ARL10: variants seen among roughly 807,000 people sequenced by gnomAD.
The protein encoded by ARL10 is ARF like GTPase 10.
A neutral mutation model predicts 26.1 loss-of-function variants in ARL10; 23 were observed. The observed-to-expected ratio is 0.88, with a 90% CI of 0.63 to 1.25. The LOEUF is 1.25. Ranked by LOEUF, ARL10 falls within the 50% of genes most tolerant of loss-of-function variation. ARL10 has a pLI of 0.00. For missense variants in ARL10, 300 were observed against 323.6 expected, an observed-to-expected ratio of 0.93 and a Z score of 0.56; for synonymous variants, 138 against 149.1, an observed-to-expected ratio of 0.93 and a Z score of 0.54.
downstream of ARL10, chr5:176,389,673 T>G: frequency 1.7e-6 from 1 of 595,596 alleles, no homozygotes; most frequent in Non-Finnish European, 2.9e-6. Context: ...TCCTAGATGC[T>G]GTTGTTTGAA....
chr5:176,412,531 A>G, the ARL10 span, among the ~76,000 whole-genome samples: 1 of 152,188 alleles, frequency 6.6e-6, no homozygotes, highest in Non-Finnish European at 1.5e-5. Context: ...TGTGCCTCCT[A>G]GCAAAAAGCC....
the ARL10 span, chr5:176,410,115 AC>A: frequency 1.4e-6 from 1 of 709,434 alleles, no homozygotes; most frequent in African/African-American, 1.8e-5. Flanking sequence ...AATTCCAAAA[AC>A]CTTTCTCTAT....
downstream of ARL10, chr5:176,388,958 CCGGTGGTACCCATAGGTAAGTGGGT>C (rs1446298837): frequency 1.7e-5 from 27 of 1,613,990 alleles, no homozygotes; most frequent in Admixed American, 5.0e-5. Flanking sequence ...CCGCGAGAAC[CCGGTGGTACCCATAGGTAAGTGGGT>C]GCGGTAGGAA....
chr5:176,372,132 C>A lies in ARL10; in HGVS notation c.*237C>A. The A allele has an allele frequency of 2.2e-6, 3 of 1,351,312 alleles. No individual in the cohort carries two copies. The highest frequency in any genetic ancestry group is 2.9e-6 in the Non-Finnish European group (3 of 1,038,244). 83.7% of individuals were successfully genotyped at this position (1,351,312 alleles called of 1,614,324 possible). ...AGACAGAGGGTGGGGAGGATAGTGT[C>A]TGGCTCATTCCAGGCTGGAATGTGG... is the stretch of plus-strand genomic sequence containing the variant. On this transcript the variant is annotated 3_prime_UTR_variant, in exon 4 of 4. Transcript: ENST00000310389.
chr5:176,383,870 C>T (rs1265149364), downstream of ARL10: 5 of 1,117,498 alleles, frequency 4.5e-6, no homozygotes, highest in Non-Finnish European at 6.2e-6. Flanking sequence ...GCCTCTCAGC[C>T]CCGGTAGAGG....
chr5:176,391,575 G>A (rs920731715), downstream of ARL10, among the ~76,000 whole-genome samples: 32 of 152,194 alleles, frequency 2.1e-4, no homozygotes, highest in African/African-American at 7.0e-4. Flanking sequence ...TTGCACCACT[G>A]CACTCCAGCC....
chr5:176,371,247 C>T (rs537413863), intron 3 of ARL10, among the ~76,000 whole-genome samples: 4 of 151,644 alleles, frequency 2.6e-5, no homozygotes, highest in East Asian at 3.9e-4. Flanking sequence ...TGGTGGCTCA[C>T]ACCTGTAGTC....
At chr5:176,367,831 TTTTA>T (rs1768373337) in intron 2 of ARL10, 7 of 501,178 alleles carry the variant, frequency 1.4e-5, no homozygotes, top group Non-Finnish European at 2.8e-5. Context: ...CTTTTTTCTG[TTTTA>T]TTTCTTTCCT....
In ARL10 at chr5:176,396,882, G is replaced by A. The variant is rs146384042; in HGVS notation, c.134-4859G>A. On this transcript the variant is annotated intron_variant, in intron 1 of 1. Coordinates refer to the ARL10 transcript ENST00000514533. ...CTGCCTTCTCTCCCACCGCTCCCTGGCCCCCTGTTGCCTAATACATCACAT... is the reference window on the plus strand; with the variant it reads ...CTGCCTTCTCTCCCACCGCTCCCTGACCCCCTGTTGCCTAATACATCACAT... 1.9e-4 allele frequency among the ~76,000 whole-genome samples: 29 copies of A among 152,062 alleles called. 1 individual carries two copies. The highest frequency in any genetic ancestry group is 7.0e-4 in the African/African-American group (29 of 41,474).
intron 3 of ARL10, 35 bp downstream of exon 3, chr5:176,369,017 A>G: frequency 6.2e-7 from 1 of 1,610,400 alleles, no homozygotes; most frequent in Non-Finnish European, 8.5e-7. Flanking sequence ...GGTCCAGGTG[A>G]CATCCACTCA....
intron 1 of ARL10, among the ~76,000 whole-genome samples, chr5:176,400,090 C>T (rs181520519): frequency 6.6e-6 from 1 of 150,848 alleles, no homozygotes; most frequent in African/African-American, 2.4e-5. Context: ...ACTCGGGAGG[C>T]TGAGGCACAA....
In ARL10 at chr5:176,368,066, C is replaced by T. The variant is rs755614717; in HGVS notation, c.386-741C>T. 2.0e-6 allele frequency: 1 copy of T among 507,674 alleles called. No individual in the cohort carries two copies. Among genetic ancestry groups the T allele is most frequent in the Non-Finnish European group, 4.0e-6 (1 of 252,314 alleles). 31.4% of individuals were successfully genotyped at this position (507,674 alleles called of 1,614,324 possible). ...TTCAGAGGTAAGTGCCTCTGACTCTCACAGCTTAGAATCCTCAAGTGTCAG... is the reference window on the plus strand; with the variant it reads ...TTCAGAGGTAAGTGCCTCTGACTCTTACAGCTTAGAATCCTCAAGTGTCAG... On this transcript the variant is annotated intron_variant, in intron 2 of 3. Transcript: ENST00000310389. This position sits in a 1 kb window ranked among gnomAD's most constrained non-coding sequence, Gnocchi z 4.1.
chr5:176,366,263 C>T lies in ARL10; in HGVS notation c.184-117C>T. 4.0e-6 allele frequency: 5 copies of T among 1,263,046 alleles called. No homozygotes were observed. In the Admixed American group the frequency reaches 1.1e-4, roughly 29 times the overall value. The allele number at this position is 1,263,046 out of a possible 1,614,324, so 78.2% of individuals were successfully genotyped here. Reference sequence around the variant, plus strand: ...TTCGTCCCACTCATCCAGACCATGCCTGCCTGTCCCAGGACGGGTGGAAGG... The same window carrying T: ...TTCGTCCCACTCATCCAGACCATGCTTGCCTGTCCCAGGACGGGTGGAAGG... On this transcript the variant is annotated intron_variant, in intron 1 of 3. Transcript: ENST00000310389.
rs1459233251 is a variant in ARL10, at chr5:176,376,507, TCTTGCTAG to T, written c.*4613_*4620del. ...CACAAACCCAACAGGAACTCCAGTT[TCTTGCTAG>T]AGCATTAGCCTTTGCTAAAGCCGGC... On this transcript the variant is annotated 3_prime_UTR_variant, in exon 4 of 4. Coordinates refer to ENST00000310389, the MANE Select transcript of ARL10 (RefSeq NM_173664.6). 6.6e-6 allele frequency: 1 copy of T among 152,238 alleles called. No individual in the cohort carries two copies. Among genetic ancestry groups the T allele is most frequent in the Non-Finnish European group, 1.5e-5 (1 of 68,050 alleles). 9.4% of individuals were successfully genotyped at this position (152,238 alleles called of 1,614,324 possible). A position where few individuals can be genotyped will look rare whatever the true frequency, so the allele number is the denominator to read the frequency against.
intron 1 of ARL10, among the ~76,000 whole-genome samples, chr5:176,400,105 C>T (rs1756741250): frequency 6.7e-6 from 1 of 150,034 alleles, no homozygotes; most frequent in Non-Finnish European, 1.5e-5. Context: ...GCACAAGAAT[C>T]ACTTGAATCC....
chr5:176,366,363 CCTCCG>C lies in ARL10; in HGVS notation c.184-14_184-10del. On this transcript the variant is annotated splice_polypyrimidine_tract_variant and intron_variant, in intron 1 of 3. Coordinates refer to ENST00000310389, the MANE Select transcript of ARL10 (RefSeq NM_173664.6). The stretch of plus-strand genomic sequence containing the variant: ...CGGGAGGCCGCCAGCCGCAACCTTA[CCTCCG>C]CTTCCCCGCAGCCCGAGGACGAGGA... The C allele has an allele frequency of 6.3e-6, 10 of 1,598,432 alleles. No individual in the cohort carries two copies. The highest frequency in any genetic ancestry group is 8.5e-6 in the Non-Finnish European group (10 of 1,176,408).
downstream of ARL10, chr5:176,385,457 G>A: frequency 1.6e-6 from 1 of 628,788 alleles, no homozygotes. Context: ...GGGGGTCTTT[G>A]CCTCCCCATT....
chr5:176,391,947 GC>G (rs1453455646), downstream of ARL10, among the ~76,000 whole-genome samples: 1 of 152,224 alleles, frequency 6.6e-6, no homozygotes, highest in Non-Finnish European at 1.5e-5. Flanking sequence ...TAAACATCAT[GC>G]AGGTCATGAA....
intron 1 of ARL10, among the ~76,000 whole-genome samples, chr5:176,400,350 CTACTAT>C (rs1699168491): frequency 6.6e-6 from 1 of 152,116 alleles, no homozygotes; most frequent in African/African-American, 2.4e-5. Context: ...GCTAGAATTA[CTACTAT>C]TATTATTCAT....
Sources: gnomAD v4.1 joint callset for allele counts (sites outside exome capture counted in the v4.1 genomes callset) on GRCh38, gnomAD v4.1.1 for gene constraint, Gnocchi (gnomAD v3.1) non-coding constraint, MANE v1.5 for transcripts, NCBI Gene and HGNC (gene_info 2026-07-23, HGNC 2026-07-21) for gene names.